CNGB3: variants seen among roughly 807,000 people sequenced by gnomAD.
CNGB3 encodes cyclic nucleotide gated channel subunit beta 3.
Under a neutral mutation model 92.8 loss-of-function variants are expected in CNGB3, and 86 were observed. The observed-to-expected ratio is 0.93, with a 90% CI of 0.78 to 1.11. The LOEUF (loss-of-function observed/expected upper bound fraction) is 1.11, where lower values mean the gene tolerates loss of function less well. Ranked by LOEUF, CNGB3 falls within the 50% of genes least tolerant of loss-of-function variation. The probability of loss-of-function intolerance (pLI) is 0.00; values close to 1 mark genes in which losing one functional copy is unlikely to be tolerated. For synonymous variants in CNGB3, 333 were observed against 332.7 expected (o/e 1.00, Z -0.01); for missense variants, 1,026 against 956.8 (o/e 1.07, Z -0.95).
chr8:86,586,496 C>A (rs1217107307), intron 15 of CNGB3, among the ~76,000 whole-genome samples: 15 of 131,498 alleles, frequency 1.1e-4, no homozygotes, highest in African/African-American at 4.2e-4. Flanking sequence ...CTCCCCCCAC[C>A]ACACAACAGT....
chr8:86,644,074 TAAAGAAAAAAA>T (rs1823244954), intron 9 of CNGB3, among the ~76,000 whole-genome samples: 1 of 149,346 alleles, frequency 6.7e-6, no homozygotes, highest in Admixed American at 6.7e-5. Flanking sequence ...TGACAGAGTG[TAAAGAAAAAAA>T]AAAGAAAAAG....
At chr8:86,658,067 C>A in intron 6 of CNGB3, 1 of 531,438 alleles carries the variant, frequency 1.9e-6, no homozygotes. Flanking sequence ...TGCAGCTTCT[C>A]CATGGCCCCC....
intron 14 of CNGB3, among the ~76,000 whole-genome samples, chr8:86,605,902 C>T (rs912964656): frequency 6.6e-6 from 1 of 152,152 alleles, no homozygotes; most frequent in Non-Finnish European, 1.5e-5. Flanking sequence ...ATCCAGGAAG[C>T]TGAAATTCTT....
chr8:86,593,464 A>G (rs534147947), intron 15 of CNGB3, among the ~76,000 whole-genome samples: 26 of 152,360 alleles, frequency 1.7e-4, no homozygotes, highest in Non-Finnish European at 2.6e-4. Context: ...TACAAAGTTT[A>G]TAGTTTTAAA....
At chr8:86,698,963 C>T (rs1024662695) in intron 3 of CNGB3, among the ~76,000 whole-genome samples, 11 of 152,144 alleles carry the variant, frequency 7.2e-5, no homozygotes, top group African/African-American at 2.7e-4. Flanking sequence ...TCCTAAGAGG[C>T]AGAAAACAAG....
chr8:86,586,117 G>T (rs535131818), intron 15 of CNGB3, among the ~76,000 whole-genome samples: 1 of 152,112 alleles, frequency 6.6e-6, no homozygotes, highest in Admixed American at 6.6e-5. Context: ...AAATGGAAAA[G>T]AAAAGGAAAA....
intron 8 of CNGB3, among the ~76,000 whole-genome samples, chr8:86,647,278 T>C (rs969041783): frequency 6.6e-6 from 1 of 150,968 alleles, no homozygotes; most frequent in Non-Finnish European, 1.5e-5. Flanking sequence ...TTGAGTTATA[T>C]TCAAGTATGT....
intron 10 of CNGB3, among the ~76,000 whole-genome samples, chr8:86,635,820 T>TTATATATA (rs1563735294): frequency 1.1e-4 from 7 of 62,126 alleles, no homozygotes; most frequent in Non-Finnish European, 1.8e-4. Context: ...GTATAACACA[T>TTATATATA]GATATATATA....
intron 6 of CNGB3, chr8:86,660,310 G>A (rs1226179658): frequency 3.0e-6 from 1 of 338,384 alleles, no homozygotes; most frequent in Non-Finnish European, 5.8e-6. Context: ...GTGGGAGGTG[G>A]GGTTGGGGCC....
rs778412233 is a variant in CNGB3 at position 86,647,898 on chromosome 8, A to G, written c.904-11T>C. 8.0e-6 allele frequency: 12 copies of G among 1,501,582 alleles called. No individual in the cohort carries two copies. The highest frequency in any genetic ancestry group is 5.0e-5 in the Admixed American group (3 of 59,540). The allele number at this position is 1,501,582 out of a possible 1,614,324, so 93.0% of individuals were successfully genotyped here. A position where few individuals can be genotyped will look rare whatever the true frequency, so the allele number is the denominator to read the frequency against. On this transcript the variant is annotated splice_polypyrimidine_tract_variant and intron_variant, in intron 7 of 17. Coordinates refer to ENST00000320005, the MANE Select transcript of CNGB3 (RefSeq NM_019098.5). ...TGATGCGACATCCAACTGTTGAAAG[A>G]ACACATTCACAAATATGTTGTGTTT... is the stretch of plus-strand genomic sequence containing the variant.
chr8:86,735,041 G>C (rs538666247), intron 2 of CNGB3, among the ~76,000 whole-genome samples: 51 of 45,010 alleles, frequency 1.1e-3, no homozygotes, highest in Admixed American at 8.6e-3. Context: ...AAATGCCGGT[G>C]GTTTTTTTTT....
At chr8:86,595,236 C>T (rs149406022) in intron 15 of CNGB3, among the ~76,000 whole-genome samples, 1 of 152,272 alleles carries the variant, frequency 6.6e-6, no homozygotes, top group East Asian at 1.9e-4. Flanking sequence ...AGATTTGCCC[C>T]TGGATATTAG....
intron 10 of CNGB3, 41 bp downstream of exon 10, chr8:86,643,708 TTA>T (rs1823235399): frequency 6.3e-7 from 1 of 1,591,226 alleles, no homozygotes; most frequent in African/African-American, 1.4e-5. Context: ...AAACAGAATG[TTA>T]AAAATAATCA....
chr8:86,575,209 G>C lies in CNGB3; in HGVS notation c.*595C>G, dbSNP rs889323311. ...GACCAACATTGGTCTTCAGGGGACT[G>C]TTCCAAAAATCAGACTTCTCATTCA... On this transcript the variant is annotated 3_prime_UTR_variant, in exon 18 of 18. Coordinates refer to ENST00000320005, the MANE Select transcript of CNGB3 (RefSeq NM_019098.5). 2 of 152,196 alleles carry C rather than the reference G, an allele frequency of 1.3e-5. No homozygotes were observed. The highest frequency in any genetic ancestry group is 2.9e-5 in the Non-Finnish European group (2 of 68,048). 9.4% of individuals were successfully genotyped at this position (152,196 alleles called of 1,614,324 possible).
intron 3 of CNGB3, among the ~76,000 whole-genome samples, chr8:86,686,545 G>T (rs1768189997): frequency 6.6e-6 from 1 of 152,018 alleles, no homozygotes; most frequent in Admixed American, 6.6e-5. Context: ...TTTTTAATTT[G>T]ATATTTGAGA....
chr8:86,722,019 C>T (rs564724221), intron 3 of CNGB3, among the ~76,000 whole-genome samples: 1 of 152,232 alleles, frequency 6.6e-6, no homozygotes, highest in Admixed American at 6.6e-5. Flanking sequence ...GAAGACTATT[C>T]ATAGAAATAA....
At chr8:86,712,322 GC>G (rs1358077300) in intron 3 of CNGB3, among the ~76,000 whole-genome samples, 1 of 151,914 alleles carries the variant, frequency 6.6e-6, no homozygotes, top group Non-Finnish European at 1.5e-5. Context: ...AGTTTATTAA[GC>G]TTTTTTATTA....
At chr8:86,601,302 C>T (rs990557944) in intron 15 of CNGB3, among the ~76,000 whole-genome samples, 2 of 152,050 alleles carry the variant, frequency 1.3e-5, no homozygotes, top group African/African-American at 2.4e-5. Flanking sequence ...ACTAAATGTA[C>T]GTGTAAGGAA....
rs187713655 is a variant in CNGB3, at chr8:86,599,486, C to T, written c.1781+4607G>A. 2.3e-3 allele frequency among the ~76,000 whole-genome samples: 357 copies of T among 152,236 alleles called. 4 individuals are homozygous for T. The highest frequency in any genetic ancestry group is 2.6e-3 in the Admixed American group (40 of 15,292). On this transcript the variant is annotated intron_variant, in intron 15 of 17. Transcript: ENST00000320005. Reference sequence around the variant, plus strand: ...CCTTAAACTCTGACTGCCAGTGGGCCGGGTGGAACAGAGCCATATTTCTCT... The same window carrying T: ...CCTTAAACTCTGACTGCCAGTGGGCTGGGTGGAACAGAGCCATATTTCTCT...
Sources: allele counts gnomAD v4.1 joint callset (sites outside exome capture counted in the v4.1 genomes callset), GRCh38; gene constraint gnomAD v4.1.1; transcripts MANE v1.5; gene names NCBI Gene and HGNC (gene_info 2026-07-23, HGNC 2026-07-21).